Variants in TRAPPC9 observed in about 807,000 individuals in gnomAD.
The protein encoded by TRAPPC9 is IKK2 binding protein.
Under a neutral mutation model 124.0 loss-of-function variants are expected in TRAPPC9, and 83 were observed. The ratio of observed to expected loss-of-function variants is 0.67; its 90% CI spans 0.56 to 0.80. The LOEUF (loss-of-function observed/expected upper bound fraction) is 0.80, where lower values mean the gene tolerates loss of function less well. TRAPPC9 is among the 30% of genes least tolerant of loss of function. The probability of loss-of-function intolerance (pLI) is 0.00; values close to 1 mark genes in which losing one functional copy is unlikely to be tolerated. For missense variants in TRAPPC9, 1,302 were observed against 1,508.3 expected (o/e 0.86, Z 2.27); for synonymous variants, 638 against 617.5 (o/e 1.03, Z -0.49).
chr8:139,825,853 C>T lies in TRAPPC9; in HGVS notation c.3055+60026G>A, dbSNP rs979903738. Among the ~76,000 whole-genome samples the T allele has an allele frequency of 7.2e-5, 11 of 152,218 alleles. No homozygotes were observed. The South Asian group carries it at 1.5e-3, about 20-fold the overall frequency. On this transcript the variant is annotated intron_variant, in intron 21 of 22. Coordinates refer to ENST00000438773, the MANE Select transcript of TRAPPC9 (RefSeq NM_001160372.4). This position sits in a 1 kb window ranked among gnomAD's most constrained non-coding sequence, Gnocchi z 4.6. ...CGCCCAAGGATTTCCAGGGCTTCCT[C>T]ACCCATGGGTTCCTGAATCAGAATA...
At chr8:140,325,992 A>G (rs926358382) in intron 9 of TRAPPC9, among the ~76,000 whole-genome samples, 2 of 152,180 alleles carry the variant, frequency 1.3e-5, no homozygotes, top group Non-Finnish European at 2.9e-5. Flanking sequence ...TGCAATTTGT[A>G]TATCTTTATT....
intron 19 of TRAPPC9, among the ~76,000 whole-genome samples, chr8:139,977,040 G>A (rs1461446331): frequency 6.6e-6 from 1 of 152,180 alleles, no homozygotes; most frequent in Admixed American, 6.5e-5. Flanking sequence ...TGAGTAAGAC[G>A]ATTCTGGCCT....
chr8:140,093,541 G>A (rs1043397828), intron 17 of TRAPPC9, among the ~76,000 whole-genome samples: 1 of 152,128 alleles, frequency 6.6e-6, no homozygotes, highest in Non-Finnish European at 1.5e-5. Flanking sequence ...GATGGCGTGT[G>A]CCTGTAATCC....
intron 21 of TRAPPC9, among the ~76,000 whole-genome samples, chr8:139,803,704 C>A (rs1051485750): frequency 2.0e-5 from 3 of 152,200 alleles, no homozygotes; most frequent in African/African-American, 7.2e-5. Flanking sequence ...CCATTTTTCT[C>A]AAAGGCGATA....
Position 139,745,339 on chromosome 8 carries a change from G to C in TRAPPC9, c.3056-13137C>G, listed in dbSNP as rs554977061. On this transcript the variant is annotated intron_variant, in intron 21 of 22. Transcript: ENST00000438773. ...TGTCTAAAAAAGGGAAAGGTGGTGC[G>C]TGGAGTGAAGGAGAGGGCTGAGCTC... Among the ~76,000 whole-genome samples, 6 of 152,386 alleles carry C rather than the reference G, an allele frequency of 3.9e-5. No individual in the cohort carries two copies. In the East Asian group the frequency reaches 1.2e-3, roughly 29 times the overall value.
chr8:139,932,773 A>C, intron 19 of TRAPPC9: 1 of 348,148 alleles, frequency 2.9e-6, no homozygotes. Flanking sequence ...TCAAAAAAAA[A>C]AAGCACTGTC....
Position 139,742,708 on chromosome 8 carries a change from G to A in TRAPPC9, c.3056-10506C>T, listed in dbSNP as rs1399008216. On this transcript the variant is annotated intron_variant, in intron 21 of 22. Transcript: ENST00000438773. The surrounding 1 kb of genome is among the most constrained non-coding windows in gnomAD (Gnocchi z 4.7). ...ACATGAGGACCAGCAGGTCAGATGG[G>A]CCCAGCATGCACGGTTGCTTTCAAC... Among the ~76,000 whole-genome samples, 1 of 152,218 alleles carries A rather than the reference G, an allele frequency of 6.6e-6. No homozygotes were observed. The highest frequency in any genetic ancestry group is 1.5e-5 in the Non-Finnish European group (1 of 68,046).
chr8:140,333,038 A>C (rs2066935437), intron 9 of TRAPPC9, among the ~76,000 whole-genome samples: 2 of 152,100 alleles, frequency 1.3e-5, no homozygotes, highest in African/African-American at 2.4e-5. Context: ...AGGCAAGAGA[A>C]TCACTTGAAC....
At chr8:140,174,721 A>G (rs1439423879) in intron 17 of TRAPPC9, among the ~76,000 whole-genome samples, 4 of 152,204 alleles carry the variant, frequency 2.6e-5, no homozygotes, top group Non-Finnish European at 4.4e-5. Context: ...TTCAAGGTGC[A>G]TCATGTCAAA....
chr8:140,306,699 A>G (rs2066147304), intron 10 of TRAPPC9, among the ~76,000 whole-genome samples: 1 of 152,200 alleles, frequency 6.6e-6, no homozygotes, highest in Non-Finnish European at 1.5e-5. Flanking sequence ...GAAGAGAAGC[A>G]TATAACCAGC....
rs1587678304 is a variant in TRAPPC9 at position 140,087,712 on chromosome 8, A to T, written c.2557-63633T>A. Among the ~76,000 whole-genome samples the T allele has an allele frequency of 6.6e-6, 1 of 151,520 alleles. No homozygotes were observed. The highest frequency in any genetic ancestry group is 1.9e-4 in the East Asian group (1 of 5,150). Reference sequence around the variant, plus strand: ...GTCTGGACAATGCCACTGGCTCCCCACCTCGTCTCCCCTGCCTCTACTCGT... The same window carrying T: ...GTCTGGACAATGCCACTGGCTCCCCTCCTCGTCTCCCCTGCCTCTACTCGT... On this transcript the variant is annotated intron_variant, in intron 17 of 22. Transcript: ENST00000438773. This position sits in a 1 kb window ranked among gnomAD's most constrained non-coding sequence, Gnocchi z 4.6.
At position 140,397,621 on chromosome 8, in the gene TRAPPC9, T is replaced by C; in HGVS notation, c.1133A>G (p.Gln378Arg). ...LQNAVYINLR[Q>R]LSEEEKIQRY... ...ACTTACAGGTAGACATACACTCACC[T>C]GTCGAAGGTTAATGTAAACTGCATT... The change falls in exon 7 of 23, where the codon CAG (glutamine) becomes CGG (arginine). Residue 378 changes from glutamine (Q) to arginine (R), a missense_variant and splice_region_variant. Coordinates refer to ENST00000438773, the MANE Select transcript of TRAPPC9 (RefSeq NM_001160372.4). 1.2e-6 allele frequency: 2 copies of C among 1,614,066 alleles called. No homozygotes were observed. The highest frequency in any genetic ancestry group is 1.7e-6 in the Non-Finnish European group (2 of 1,179,966).
At chr8:140,451,869 C>T (rs568073093) in intron 1 of TRAPPC9, among the ~76,000 whole-genome samples, 83 of 152,294 alleles carry the variant, frequency 5.4e-4, no homozygotes, top group Non-Finnish European at 1.1e-3. Flanking sequence ...GCCTGTAATC[C>T]TAACACTTTG....
intron 17 of TRAPPC9, among the ~76,000 whole-genome samples, chr8:140,143,249 C>CT (rs2061407986): frequency 6.6e-6 from 1 of 152,224 alleles, no homozygotes; most frequent in African/African-American, 2.4e-5. Flanking sequence ...GGGCAGAAGT[C>CT]TGGGCATGGT....
intron 21 of TRAPPC9, among the ~76,000 whole-genome samples, chr8:139,875,982 C>G (rs985203666): frequency 6.6e-6 from 1 of 152,244 alleles, no homozygotes; most frequent in Non-Finnish European, 1.5e-5. Context: ...CTGCCACCAT[C>G]GGTGCGGCTG....
At chr8:140,207,221 A>C (rs2062946477) in intron 17 of TRAPPC9, among the ~76,000 whole-genome samples, 1 of 152,208 alleles carries the variant, frequency 6.6e-6, no homozygotes, top group Non-Finnish European at 1.5e-5. Flanking sequence ...CACTCTAACA[A>C]AGCGGGTAAA....
chr8:140,202,152 T>C (rs1242412532), intron 17 of TRAPPC9, among the ~76,000 whole-genome samples: 1 of 142,890 alleles, frequency 7.0e-6, no homozygotes, highest in African/African-American at 2.6e-5. Flanking sequence ...TAAAAGCTCA[T>C]CTTCTGTAAT....
intron 21 of TRAPPC9, among the ~76,000 whole-genome samples, chr8:139,783,692 T>C (rs1047117268): frequency 6.6e-6 from 1 of 152,222 alleles, no homozygotes; most frequent in Non-Finnish European, 1.5e-5. Flanking sequence ...AAGACAGGAA[T>C]GTTACAAAAG....
chr8:139,763,591 C>A (rs1220515742), intron 21 of TRAPPC9, among the ~76,000 whole-genome samples: 2 of 148,888 alleles, frequency 1.3e-5, no homozygotes, highest in African/African-American at 2.6e-5. Context: ...AGAAAACAAA[C>A]AAGCACACAT....
Sources: gnomAD v4.1 joint callset for allele counts (sites outside exome capture counted in the v4.1 genomes callset) on GRCh38, gnomAD v4.1.1 for gene constraint, Gnocchi (gnomAD v3.1) non-coding constraint, MANE v1.5 for transcripts, NCBI Gene and HGNC (gene_info 2026-07-23, HGNC 2026-07-21) for gene names.